SEMA6D: variants seen among roughly 807,000 people sequenced by gnomAD.
The protein encoded by SEMA6D is semaphorin 6D.
SEMA6D carries 35 observed loss-of-function variants against 106.6 expected under a neutral mutation model. The ratio of observed to expected loss-of-function variants is 0.33; its 90% CI spans 0.25 to 0.44. The LOEUF (loss-of-function observed/expected upper bound fraction) is 0.44. Among genes scored for constraint, SEMA6D ranks in the 20% least tolerant of loss-of-function variants. SEMA6D has a pLI of 1.00. For missense variants in SEMA6D, 1,185 were observed against 1,345.9 expected, an observed-to-expected ratio of 0.88 and a Z score of 1.87; for synonymous variants, 499 against 487.7, an observed-to-expected ratio of 1.02 and a Z score of -0.31.
At chr15:47,635,317 A>T (rs569168542) in intron 4 of SEMA6D, among the ~76,000 whole-genome samples, 1 of 152,194 alleles carries the variant, frequency 6.6e-6, no homozygotes, top group South Asian at 2.1e-4. Flanking sequence ...GTTGCCTAGT[A>T]CCTGGCCTTG....
chr15:47,657,510 C>T (rs2077819372), intron 4 of SEMA6D, among the ~76,000 whole-genome samples: 1 of 151,882 alleles, frequency 6.6e-6, no homozygotes, highest in South Asian at 2.1e-4. Context: ...AAGGAAGTTA[C>T]TAATTTTTGC....
intron 1 of SEMA6D, among the ~76,000 whole-genome samples, chr15:47,343,412 C>G (rs2037908591): frequency 6.6e-6 from 1 of 151,784 alleles, no homozygotes; most frequent in Admixed American, 6.6e-5. Flanking sequence ...CCCACTCCCC[C>G]CACCCCACAA....
chr15:47,547,308 C>T (rs2045554366), intron 3 of SEMA6D, among the ~76,000 whole-genome samples: 1 of 152,100 alleles, frequency 6.6e-6, no homozygotes, highest in African/African-American at 2.4e-5. Context: ...ACGGTAGCAA[C>T]ACCACCATCA....
rs568635599 is a variant in SEMA6D at position 47,385,825 on chromosome 15, G to A, written c.-238-26568G>A. Among the ~76,000 whole-genome samples, 3 of 152,310 alleles carry A rather than the reference G, an allele frequency of 2.0e-5. No individual in the cohort carries two copies. In the South Asian group the frequency reaches 6.2e-4, roughly 32 times the overall value. ...TTCTGCTTCCAAGGAGTTAAGATAAGAAATAGGATGAGCTACCTAGCACTT... is the reference window on the plus strand; with the variant it reads ...TTCTGCTTCCAAGGAGTTAAGATAAAAAATAGGATGAGCTACCTAGCACTT... On this transcript the variant is annotated intron_variant, in intron 1 of 19. Coordinates refer to the SEMA6D transcript ENST00000558014.
intron 1 of SEMA6D, among the ~76,000 whole-genome samples, chr15:47,358,507 A>G (rs888935931): frequency 4.6e-5 from 7 of 152,206 alleles, no homozygotes; most frequent in African/African-American, 1.7e-4. Flanking sequence ...TCTTTTGGGG[A>G]AGAGGTAAAG....
intron 3 of SEMA6D, among the ~76,000 whole-genome samples, chr15:47,516,379 G>C (rs1266588901): frequency 6.6e-6 from 1 of 152,134 alleles, no homozygotes; most frequent in Non-Finnish European, 1.5e-5. Context: ...GCTCCCAAAA[G>C]ATCATGGCAG....
intron 2 of SEMA6D, among the ~76,000 whole-genome samples, chr15:47,444,243 A>C (rs2041964792): frequency 6.6e-6 from 1 of 152,164 alleles, no homozygotes; most frequent in Non-Finnish European, 1.5e-5. Context: ...CTAACAATAC[A>C]GAGGAGATTG....
chr15:47,677,805 T>G (rs886110144), intron 4 of SEMA6D, among the ~76,000 whole-genome samples: 4 of 152,220 alleles, frequency 2.6e-5, no homozygotes, highest in Non-Finnish European at 4.4e-5. Flanking sequence ...TAAAGTCATA[T>G]GAAAGGAAAA....
intron 1 of SEMA6D, among the ~76,000 whole-genome samples, chr15:47,235,844 A>G (rs150862976): frequency 1.1e-4 from 17 of 152,152 alleles, no homozygotes; most frequent in African/African-American, 3.4e-4. Flanking sequence ...AGCACTAGGT[A>G]ATTTCCCAGT....
chr15:47,712,076 G>C (rs2079033887), intron 4 of SEMA6D, among the ~76,000 whole-genome samples: 1 of 152,158 alleles, frequency 6.6e-6, no homozygotes, highest in Non-Finnish European at 1.5e-5. Flanking sequence ...CTTTACAAGT[G>C]ATTCAGAGCA....
intron 18 of SEMA6D, 145 bp downstream of exon 18, chr15:47,768,893 C>CTTTCTT (rs1356423982): frequency 1.5e-6 from 1 of 653,082 alleles, no homozygotes. Context: ...GTCTCTCTGG[C>CTTTCTT]TTTCTGTGGT....
chr15:47,360,880 A>G (rs16959340), intron 1 of SEMA6D, among the ~76,000 whole-genome samples: 1 of 152,220 alleles, frequency 6.6e-6, no homozygotes, highest in African/African-American at 2.4e-5. Context: ...TGTCAGAGGG[A>G]TATAGTGGAT....
intron 1 of SEMA6D, among the ~76,000 whole-genome samples, chr15:47,295,425 T>C (rs1052965932): frequency 6.6e-6 from 1 of 152,174 alleles, no homozygotes; most frequent in African/African-American, 2.4e-5. Flanking sequence ...TAACAGTGGG[T>C]TAGCATGAGA....
chr15:47,200,430 T>A (rs1252074409), intron 1 of SEMA6D, among the ~76,000 whole-genome samples: 1 of 152,194 alleles, frequency 6.6e-6, no homozygotes, highest in African/African-American at 2.4e-5. Flanking sequence ...TTATATTTTA[T>A]AAAATTCACA....
chr15:47,449,902 A>G (rs1399940788), intron 2 of SEMA6D, among the ~76,000 whole-genome samples: 1 of 152,114 alleles, frequency 6.6e-6, no homozygotes, highest in Non-Finnish European at 1.5e-5. Context: ...ATGACAAGTT[A>G]TGTGTTTAGC....
intron 1 of SEMA6D, among the ~76,000 whole-genome samples, chr15:47,316,102 C>CCTTTTTTTTTT (rs374144294): frequency 2.5e-5 from 2 of 81,484 alleles, no homozygotes; most frequent in African/African-American, 6.4e-5. Flanking sequence ...CATTTATTTC[C>CCTTTTTTTTTT]TTTTTTTTGA....
intron 1 of SEMA6D, among the ~76,000 whole-genome samples, chr15:47,389,159 T>C (rs1207845725): frequency 1.3e-5 from 2 of 152,216 alleles, no homozygotes; most frequent in African/African-American, 4.8e-5. Context: ...CTTCTCTCCC[T>C]CAGTTTTCTC....
At chr15:47,465,539 T>C (rs902967951) in intron 2 of SEMA6D, among the ~76,000 whole-genome samples, 3 of 152,256 alleles carry the variant, frequency 2.0e-5, no homozygotes, top group Middle Eastern at 6.8e-3. Context: ...CCAATTGTAA[T>C]CCCCCGTGTT....
At chr15:47,286,371 C>T (rs937138291) in intron 1 of SEMA6D, among the ~76,000 whole-genome samples, 45 of 152,002 alleles carry the variant, frequency 3.0e-4, no homozygotes, top group Non-Finnish European at 7.4e-5. Flanking sequence ...GGAGTTCTAT[C>T]AATACTATAT....
Sources: gnomAD v4.1 joint callset for allele counts (sites outside exome capture counted in the v4.1 genomes callset) on GRCh38, gnomAD v4.1.1 for gene constraint, MANE v1.5 for transcripts, NCBI Gene and HGNC (gene_info 2026-07-23, HGNC 2026-07-21) for gene names.